Variants in DNASE1 observed in about 807,000 individuals in gnomAD.
DNASE1 encodes deoxyribonuclease-1.
DNASE1 carries 40 observed loss-of-function variants against 33.9 expected under a neutral mutation model. That is an observed-to-expected ratio of 1.18 (90% CI 0.92 to 1.54). DNASE1 has a LOEUF of 1.54. Ranked by LOEUF, DNASE1 falls within the 40% of genes most tolerant of loss-of-function variation. DNASE1 has a pLI of 0.00. For synonymous variants in DNASE1, 216 were observed against 160.0 expected (o/e 1.35, Z -2.64); for missense variants, 518 against 372.6 (o/e 1.39, Z -3.21).
At chr16:3,635,478 A>G (rs571048925) in intron 1 of DNASE1, among the ~76,000 whole-genome samples, 7,742 of 150,250 alleles carry the variant, frequency 0.052, 256 homozygotes, top group Non-Finnish European at 0.07. Context: ...AAAAAAAAAA[A>G]AAGTAAGAAA....
chr16:3,658,198 A>AAGTCCAGC (rs1235957758), downstream of DNASE1: 4 of 1,613,928 alleles, frequency 2.5e-6, no homozygotes, highest in African/African-American at 5.3e-5. Flanking sequence ...GGTCGTCAAC[A>AAGTCCAGC]AGTCCAGCAG....
chr16:3,636,348 G>A (rs1449847982), intron 1 of DNASE1, among the ~76,000 whole-genome samples: 2 of 151,940 alleles, frequency 1.3e-5, no homozygotes, highest in Non-Finnish European at 2.9e-5. Context: ...TTCCATTAGA[G>A]CCCTTAGCAT....
chr16:3,633,079 A>G (rs2041750082), intron 1 of DNASE1, among the ~76,000 whole-genome samples: 1 of 152,182 alleles, frequency 6.6e-6, no homozygotes, highest in South Asian at 2.1e-4. Flanking sequence ...ATATTCTGAC[A>G]TTCTCTATTA....
chr16:3,657,458 T>C, intron 7 of DNASE1, 117 bp downstream of exon 7: 2 of 1,404,852 alleles, frequency 1.4e-6, no homozygotes, highest in Non-Finnish European at 1.9e-6. Flanking sequence ...TGAGCTTCAG[T>C]TGATCCACTA....
downstream of DNASE1, chr16:3,662,838 G>A (rs765892266): frequency 4.4e-6 from 7 of 1,594,588 alleles, no homozygotes; most frequent in South Asian, 2.2e-5. Context: ...AGCCTGTTAG[G>A]GACACTGCGG....
At chr16:3,634,844 T>A (rs950222981) in intron 1 of DNASE1, among the ~76,000 whole-genome samples, 3 of 151,700 alleles carry the variant, frequency 2.0e-5, no homozygotes, top group African/African-American at 4.8e-5. Flanking sequence ...AGAGTCAGAG[T>A]GTTACTATGT....
chr16:3,619,698 C>A (rs975686283), intron 1 of DNASE1, among the ~76,000 whole-genome samples: 2 of 151,158 alleles, frequency 1.3e-5, no homozygotes, highest in African/African-American at 4.9e-5. Flanking sequence ...TTTTTGTAGA[C>A]ACAGGTCTTG....
chr16:3,639,111 T>C (rs1289796897), upstream of DNASE1, among the ~76,000 whole-genome samples: 1 of 152,246 alleles, frequency 6.6e-6, no homozygotes. Context: ...TTCCTCTCTT[T>C]CTTGCATGTC....
upstream of DNASE1, chr16:3,651,555 T>G (rs1282105837): frequency 6.6e-6 from 1 of 152,288 alleles, no homozygotes; most frequent in Non-Finnish European, 1.5e-5. Flanking sequence ...ATGTGGGGCT[T>G]GGACCTACAG....
In DNASE1 at chr16:3,663,261, G is replaced by A. The variant is rs2050729865; in HGVS notation, c.*5308G>A. ...CAGACCCCTGATATCTAAACCAGGA[G>A]GCACCTTCCTCCAGTCACCAGGGTG... On this transcript the variant is annotated 3_prime_UTR_variant, in exon 10 of 10. Transcript: ENST00000407479. 6.6e-6 allele frequency: 6 copies of A among 902,788 alleles called. No individual in the cohort carries two copies. In the East Asian group the frequency reaches 7.8e-5, roughly 12 times the overall value. 55.9% of individuals were successfully genotyped at this position (902,788 alleles called of 1,614,324 possible).
chr16:3,662,549 G>C (rs933614165), downstream of DNASE1: 8 of 558,894 alleles, frequency 1.4e-5, no homozygotes, highest in Non-Finnish European at 2.7e-5. Context: ...ACCCAAGTGA[G>C]CATGTGAGCT....
chr16:3,617,326 C>CAAAACAAAAA (rs2041141129), intron 1 of DNASE1, among the ~76,000 whole-genome samples: 1 of 57,724 alleles, frequency 1.7e-5, no homozygotes, highest in Non-Finnish European at 3.5e-5. Flanking sequence ...AACTCCATCT[C>CAAAACAAAAA]AAAAAAAAAA....
intron 1 of DNASE1, among the ~76,000 whole-genome samples, chr16:3,619,368 T>A (rs1291462450): frequency 6.8e-6 from 1 of 147,804 alleles, no homozygotes; most frequent in African/African-American, 2.5e-5. Flanking sequence ...TTTTATTTTT[T>A]ATTTTTTTTT....
At chr16:3,661,283 T>C (rs1231397741), downstream of DNASE1, 1 of 151,668 alleles carries the variant, frequency 6.6e-6, no homozygotes, top group Non-Finnish European at 1.5e-5. Flanking sequence ...AAAAGATACC[T>C]AAAGGCAGGT....
At chr16:3,662,365 C>T (rs1239503295), downstream of DNASE1, 2 of 604,286 alleles carry the variant, frequency 3.3e-6, no homozygotes, top group Admixed American at 3.0e-5. Context: ...TGCCCCGCTG[C>T]TGCCTCCAGG....
intron 1 of DNASE1, among the ~76,000 whole-genome samples, chr16:3,646,857 G>A (rs2042187477): frequency 1.3e-5 from 2 of 152,240 alleles, no homozygotes; most frequent in Admixed American, 6.5e-5. Context: ...CGGGGCTGAG[G>A]GGGAGCGGGG....
rs2042729964 is a variant in DNASE1, at chr16:3,657,308, C to G, written c.671C>G (p.Thr224Ser). 1 of 1,613,718 alleles carries G rather than the reference C, an allele frequency of 6.2e-7. No homozygotes were observed. Among genetic ancestry groups the G allele is most frequent in the South Asian group, 1.1e-5 (1 of 91,090 alleles). Residue 224 changes from threonine (T) to serine (S), a missense_variant, in exon 7 of 9, where the codon ACC becomes AGC. Physicochemically the swap from Thr to Ser is moderately conservative, Grantham distance 58. Coordinates refer to ENST00000246949, the MANE Select transcript of DNASE1 (RefSeq NM_005223.4). ...TGGCTGATCCCCGACAGCGCTGACA[C>G]CACAGCTACACCCACGCACTGTGCC... ...FQWLIPDSAD[T>S]TATPTHCAYD...
chr16:3,657,771 T>A lies in DNASE1; in HGVS notation c.756T>A (p.Ala252=), dbSNP rs752579524. The change falls in exon 8 of 9, where the codon GCT becomes GCA. Residue 252 remains alanine (A), a synonymous_variant. Coordinates refer to ENST00000246949, the MANE Select transcript of DNASE1 (RefSeq NM_005223.4). ...GAGGCGCCGTTGTTCCCGACTCGGC[T>A]CTTCCCTTTAACTTCCAGGCTGCCT... ...LLRGAVVPDS[A]LPFNFQAAYG... is the part of the protein sequence containing the mutation. 1 of 1,614,114 alleles carries A rather than the reference T, an allele frequency of 6.2e-7. No individual in the cohort carries two copies. Among genetic ancestry groups the A allele is most frequent in the Non-Finnish European group, 8.5e-7 (1 of 1,180,038 alleles).
chr16:3,647,230 T>C (rs1359156966), intron 1 of DNASE1, among the ~76,000 whole-genome samples: 1 of 152,190 alleles, frequency 6.6e-6, no homozygotes, highest in Non-Finnish European at 1.5e-5. Flanking sequence ...TAAAAGCTTT[T>C]GATTTGTAGA....
Sources: allele counts gnomAD v4.1 joint callset (sites outside exome capture counted in the v4.1 genomes callset), GRCh38; gene constraint gnomAD v4.1.1; transcripts MANE v1.5; gene names NCBI Gene and HGNC (gene_info 2026-07-23, HGNC 2026-07-21).